Variants in DMD observed in about 807,000 individuals in gnomAD.
DMD encodes the protein dystrophin.
Under a neutral mutation model 330.1 loss-of-function variants are expected in DMD, and 63 were observed. That is an observed-to-expected ratio of 0.19 (90% confidence interval 0.16 to 0.24). The LOEUF (loss-of-function observed/expected upper bound fraction) is 0.24. Among genes scored for constraint, DMD ranks in the 10% least tolerant of loss-of-function variants. The pLI is 1.00. For missense variants in DMD, 3,344 were observed against 2,684.1 expected (o/e 1.25, Z -5.43); for synonymous variants, 1,223 against 959.8 (o/e 1.27, Z -5.07).
intron 2 of DMD, among the ~76,000 whole-genome samples, chrX:32,921,629 A>G (rs1225534157): frequency 9.0e-6 from 1 of 111,629 alleles, no homozygotes; most frequent in Non-Finnish European, 1.9e-5. Context: ...AGTAAGAGAG[A>G]AGGAGGATAA....
At chrX:33,156,507 A>G (rs1454391984) in intron 1 of DMD, among the ~76,000 whole-genome samples, 1 of 112,173 alleles carries the variant, frequency 8.9e-6, no homozygotes, top group Non-Finnish European at 1.9e-5. Flanking sequence ...AGCGTGGATG[A>G]TGGAAGAGTT....
intron 13 of DMD, among the ~76,000 whole-genome samples, chrX:32,591,896 T>C (rs1416619572): frequency 1.8e-5 from 2 of 112,857 alleles, no homozygotes; most frequent in East Asian, 2.8e-4. Context: ...CACTGGCTCC[T>C]GGGAGAAGCA....
Position 32,537,064 on chromosome X carries a change from T to C in DMD, c.2168+8095A>G, listed in dbSNP as rs138334330. On this transcript the variant is annotated intron_variant, in intron 17 of 78. Coordinates refer to ENST00000357033, the MANE Select transcript of DMD (RefSeq NM_004006.3). Reference sequence around the variant, plus strand: ...AATTTAACAGGTACATTTGGAGGGATTTAGTGATGTGGCAGATATCAAGAC... The same window carrying C: ...AATTTAACAGGTACATTTGGAGGGACTTAGTGATGTGGCAGATATCAAGAC... Among the ~76,000 whole-genome samples the C allele has an allele frequency of 2.2e-3, 240 of 111,359 alleles. 6 individuals carry two copies. The East Asian group carries it at 0.055, about 25-fold the overall frequency.
At chrX:32,170,733 T>A in intron 44 of DMD, among the ~76,000 whole-genome samples, 1 of 110,307 alleles carries the variant, frequency 9.1e-6, no homozygotes, top group East Asian at 2.9e-4. Flanking sequence ...GACTTTCCTG[T>A]GTCCTGTACA....
intron 21 of DMD, among the ~76,000 whole-genome samples, chrX:32,475,037 G>A (rs1344486854): frequency 9.0e-6 from 1 of 111,337 alleles, no homozygotes; most frequent in African/African-American, 3.3e-5. Context: ...TTTGTATAAT[G>A]TGAGAGATGA....
chrX:32,725,184 T>G (rs1569490732), intron 7 of DMD, among the ~76,000 whole-genome samples: 4 of 111,288 alleles, frequency 3.6e-5, no homozygotes, highest in African/African-American at 1.3e-4. Context: ...GTAAAGACTC[T>G]AATATATAAG....
chrX:33,250,085 T>TTATATA lies in DMD; in HGVS notation c.7+89168_7+89173dup, dbSNP rs560212408. Among the ~76,000 whole-genome samples, 425 of 75,389 alleles carry TTATATA rather than the reference T, an allele frequency of 5.6e-3. 6 individuals carry two copies. The highest frequency in any genetic ancestry group is 0.018 in the African/African-American group (243 of 13,873). The allele number at this position is 75,389 out of a possible 115,157, so 65.5% of individuals were successfully genotyped here. ...AGCCCACATAGTAGTAAACTATTCATTATATATATATATATATATATATAT... is the reference window on the plus strand; with the variant it reads ...AGCCCACATAGTAGTAAACTATTCATTATATATATATATATATATATATATATATAT... On this transcript the variant is annotated intron_variant, in intron 1 of 17. Coordinates refer to the DMD transcript ENST00000288447.
chrX:32,250,011 T>G (rs2097257287), intron 43 of DMD, among the ~76,000 whole-genome samples: 2 of 111,894 alleles, frequency 1.8e-5, no homozygotes, highest in Non-Finnish European at 3.8e-5. Context: ...CACAAACGCC[T>G]TGAACCATTA....
At chrX:31,154,624 G>A (rs1461389419) in intron 74 of DMD, among the ~76,000 whole-genome samples, 2 of 110,951 alleles carry the variant, frequency 1.8e-5, no homozygotes, top group Admixed American at 9.6e-5. Context: ...CAATGCACTC[G>A]TTTTAACAGC....
intron 1 of DMD, among the ~76,000 whole-genome samples, chrX:33,298,000 A>G (rs1359433339): frequency 1.8e-5 from 2 of 111,287 alleles, no homozygotes; most frequent in African/African-American, 6.5e-5. Flanking sequence ...TGGATATGTT[A>G]ATTATATCAA....
intron 44 of DMD, among the ~76,000 whole-genome samples, chrX:32,144,083 T>C (rs2096767255): frequency 8.9e-6 from 1 of 111,838 alleles, no homozygotes; most frequent in East Asian, 2.8e-4. Context: ...GCATTTGAGG[T>C]CACAATGTTC....
At chrX:31,370,462 A>T (rs1043321851) in intron 60 of DMD, among the ~76,000 whole-genome samples, 6 of 112,327 alleles carry the variant, frequency 5.3e-5, no homozygotes, top group African/African-American at 1.6e-4. Context: ...GCCACGAGGG[A>T]AACGTAAATT....
intron 7 of DMD, among the ~76,000 whole-genome samples, chrX:32,795,715 G>A (rs1249739894): frequency 2.7e-5 from 3 of 111,897 alleles, no homozygotes; most frequent in African/African-American, 9.8e-5. Flanking sequence ...AAACTATTCA[G>A]ACAAGAGACT....
chrX:31,721,940 T>C (rs1044481341), intron 52 of DMD, among the ~76,000 whole-genome samples: 1 of 108,190 alleles, frequency 9.2e-6, no homozygotes, highest in Non-Finnish European at 1.9e-5. Flanking sequence ...AAAGGAAATA[T>C]GATATTTTAA....
intron 44 of DMD, among the ~76,000 whole-genome samples, chrX:32,058,368 A>G (rs1167112286): frequency 1.8e-5 from 2 of 110,297 alleles, no homozygotes; most frequent in Admixed American, 9.7e-5. Flanking sequence ...ATACATGAGG[A>G]ACGTAATAAC....
At chrX:31,937,520 G>C (rs1054385063) in intron 45 of DMD, among the ~76,000 whole-genome samples, 1 of 111,183 alleles carries the variant, frequency 9.0e-6, no homozygotes, top group South Asian at 3.7e-4. Context: ...TTTATACTTT[G>C]AAATATAAAA....
chrX:32,197,000 A>AAAAAAAAAC (rs1557206020), intron 44 of DMD, among the ~76,000 whole-genome samples: 1 of 93,899 alleles, frequency 1.1e-5, no homozygotes, highest in African/African-American at 4.0e-5. Flanking sequence ...AAAAAAAAAA[A>AAAAAAAAAC]AAAAACAAAA....
At chrX:31,729,420 T>C (rs1270417036) in intron 52 of DMD, among the ~76,000 whole-genome samples, 2 of 112,358 alleles carry the variant, frequency 1.8e-5, no homozygotes, top group Non-Finnish European at 3.8e-5. Context: ...AAGCCCTGAA[T>C]TGATTTAAAA....
At chrX:31,961,318 ATT>A (rs1420501220) in intron 45 of DMD, among the ~76,000 whole-genome samples, 1 of 112,041 alleles carries the variant, frequency 8.9e-6, no homozygotes, top group Non-Finnish European at 1.9e-5. Context: ...CTTTAGATCT[ATT>A]TTTAATCTAT....
Sources: gnomAD v4.1 joint callset for allele counts (sites outside exome capture counted in the v4.1 genomes callset) on GRCh38, gnomAD v4.1.1 for gene constraint, MANE v1.5 for transcripts, NCBI Gene and HGNC (gene_info 2026-07-23, HGNC 2026-07-21) for gene names.